The following ZFAT variants were observed in gnomAD, a reference collection of about 807,000 sequenced individuals.
ZFAT encodes the protein zinc finger and AT-hook domain containing, also known as zinc finger protein ZFAT.
Under a neutral mutation model 117.7 loss-of-function variants are expected in ZFAT, and 64 were observed. That is an observed-to-expected ratio of 0.54 (90% CI 0.44 to 0.67). The LOEUF (loss-of-function observed/expected upper bound fraction) is 0.67. Among genes scored for constraint, ZFAT ranks in the 30% least tolerant of loss-of-function variants. The pLI, the probability that ZFAT is intolerant of heterozygous loss-of-function variation, is 0.00. For synonymous variants in ZFAT, 679 were observed against 615.0 expected (o/e 1.10, Z -1.54); for missense variants, 1,433 against 1,584.5 (o/e 0.90, Z 1.62).
chr8:134,480,519 CCA>C (rs1817223409), intron 15 of ZFAT, among the ~76,000 whole-genome samples: 2 of 152,218 alleles, frequency 1.3e-5, no homozygotes, highest in Non-Finnish European at 2.9e-5. Context: ...CACTAGAAAA[CCA>C]CAGTCCTCTG....
chr8:134,488,996 T>TG (rs1360417091), intron 15 of ZFAT, among the ~76,000 whole-genome samples: 1 of 4,198 alleles, frequency 2.4e-4, no homozygotes, highest in Non-Finnish European at 4.4e-4. Context: ...ACAGAACAAG[T>TG]GGGGGGTGGG....
intron 13 of ZFAT, among the ~76,000 whole-genome samples, chr8:134,514,750 G>C (rs770937497): frequency 1.3e-5 from 2 of 152,066 alleles, no homozygotes; most frequent in Non-Finnish European, 2.9e-5. Context: ...CAGAGAGACG[G>C]GTCTAATAAA....
chr8:134,687,305 G>C (rs751471243), intron 1 of ZFAT, among the ~76,000 whole-genome samples: 11 of 152,194 alleles, frequency 7.2e-5, no homozygotes, highest in Non-Finnish European at 1.5e-4. Flanking sequence ...GTGTTTCTTT[G>C]CTGAAGCTGG....
intron 1 of ZFAT, among the ~76,000 whole-genome samples, chr8:134,658,344 A>AAAAAAAAAAC (rs1831747873): frequency 6.6e-6 from 1 of 151,846 alleles, no homozygotes; most frequent in African/African-American, 2.4e-5. Context: ...CTCCAAAAAA[A>AAAAAAAAAAC]AAAAAATTTG....
At chr8:134,480,824 C>T (rs1299263996) in intron 15 of ZFAT, among the ~76,000 whole-genome samples, 2 of 152,212 alleles carry the variant, frequency 1.3e-5, no homozygotes, top group African/African-American at 4.8e-5. Flanking sequence ...TCTCTGGGGA[C>T]GGCCCAACTG....
At chr8:134,607,623 G>A (rs1357028003) in intron 5 of ZFAT, among the ~76,000 whole-genome samples, 1 of 152,240 alleles carries the variant, frequency 6.6e-6, no homozygotes, top group Non-Finnish European at 1.5e-5. Context: ...AACTCATACA[G>A]AGTAGTCTAG....
At chr8:134,639,837 C>T (rs1356876824) in intron 2 of ZFAT, 2 of 454,572 alleles carry the variant, frequency 4.4e-6, no homozygotes, top group Non-Finnish European at 8.8e-6. Flanking sequence ...AGCCTGCGGC[C>T]CAGGTCTAAA....
At chr8:134,530,688 T>G (rs892742304) in intron 12 of ZFAT, among the ~76,000 whole-genome samples, 2 of 152,296 alleles carry the variant, frequency 1.3e-5, no homozygotes, top group East Asian at 3.9e-4. Context: ...TATATATATA[T>G]GTACAGATGG....
intron 11 of ZFAT, among the ~76,000 whole-genome samples, chr8:134,547,562 T>C (rs1055152263): frequency 1.3e-5 from 2 of 152,202 alleles, no homozygotes; most frequent in African/African-American, 4.8e-5. Flanking sequence ...ACCACTGCAG[T>C]AGTGAAGATT....
chr8:134,738,726 C>T, the ZFAT span, among the ~76,000 whole-genome samples: 2 of 151,894 alleles, frequency 1.3e-5, no homozygotes, highest in Admixed American at 6.6e-5. Context: ...AGCTAATGAA[C>T]GAGGAGGGGG....
chr8:134,684,361 T>C (rs1318057616), intron 1 of ZFAT, among the ~76,000 whole-genome samples: 1 of 152,208 alleles, frequency 6.6e-6, no homozygotes, highest in Non-Finnish European at 1.5e-5. Flanking sequence ...ACATGGGTGT[T>C]AGAAATAAAG....
At chr8:134,768,288 T>C in the ZFAT span, among the ~76,000 whole-genome samples, 1 of 152,218 alleles carries the variant, frequency 6.6e-6, no homozygotes. Context: ...TTGATGTTAC[T>C]ACAGTTGTTT....
At chr8:134,770,753 C>T in the ZFAT span, among the ~76,000 whole-genome samples, 1 of 152,224 alleles carries the variant, frequency 6.6e-6, no homozygotes, top group Non-Finnish European at 1.5e-5. Context: ...TTCTTTTTCT[C>T]AGCGTGGAAC....
chr8:134,523,226 C>T (rs897420813), intron 12 of ZFAT, among the ~76,000 whole-genome samples: 6 of 152,218 alleles, frequency 3.9e-5, no homozygotes, highest in Non-Finnish European at 7.3e-5. Context: ...CCCTGTCCCA[C>T]GGCTGGGTGG....
the ZFAT span, among the ~76,000 whole-genome samples, chr8:134,769,031 G>A: frequency 0.038 from 5,793 of 152,230 alleles, 153 homozygotes; most frequent in Middle Eastern, 0.072. Context: ...AATTAGCCAG[G>A]TGTGGTGGGG....
the ZFAT span, among the ~76,000 whole-genome samples, chr8:134,832,075 G>T: frequency 6.7e-6 from 1 of 149,596 alleles, no homozygotes; most frequent in Non-Finnish European, 1.5e-5. Context: ...AGCCCGAGGC[G>T]CGCCTGGAGC....
Position 134,478,561 on chromosome 8 carries a change from G to A in ZFAT, c.3653C>T (p.Ser1218Leu), listed in dbSNP as rs1428157950. 6.3e-6 allele frequency: 10 copies of A among 1,595,000 alleles called. No homozygotes were observed. Among genetic ancestry groups the A allele is most frequent in the South Asian group, 2.3e-5 (2 of 87,600 alleles). The change falls in exon 16 of 16, where the codon TCG becomes TTG. Residue 1218 changes from serine (S) to leucine (L), a missense_variant. By Grantham distance (145) the Ser-to-Leu change is moderately radical (BLOSUM62 -2). Transcript: ENST00000377838. The surrounding 1 kb of genome is among the most constrained non-coding windows in gnomAD (Gnocchi z 5.2). ...CTCCTGCACGTAGACGATGAACTCCGAGGCCTCCCCGCCCTGCGTGTAGAC... is the reference window on the plus strand; with the variant it reads ...CTCCTGCACGTAGACGATGAACTCCAAGGCCTCCCCGCCCTGCGTGTAGAC... ...VTVYTQGGEA[S>L]EFIVYVQEAM...
At chr8:134,771,293 A>G in the ZFAT span, among the ~76,000 whole-genome samples, 2 of 152,220 alleles carry the variant, frequency 1.3e-5, no homozygotes, top group African/African-American at 4.8e-5. Context: ...TAAAGAAAAC[A>G]GAAAAGAACC....
chr8:134,738,652 G>A, the ZFAT span, among the ~76,000 whole-genome samples: 3 of 152,052 alleles, frequency 2.0e-5, no homozygotes, highest in Admixed American at 1.3e-4. Context: ...GAGGGTGTGA[G>A]GTGTAGGGGG....
Sources: gnomAD v4.1 joint callset for allele counts (sites outside exome capture counted in the v4.1 genomes callset) on GRCh38, gnomAD v4.1.1 for gene constraint, Gnocchi (gnomAD v3.1) non-coding constraint, MANE v1.5 for transcripts, NCBI Gene and HGNC (gene_info 2026-07-23, HGNC 2026-07-21) for gene names.